NAALADL2: variants seen among roughly 807,000 people sequenced by gnomAD.
The protein encoded by NAALADL2 is N-acetylated alpha-linked acidic dipeptidase like 2, also known as inactive N-acetylated-alpha-linked acidic dipeptidase-like protein 2.
In NAALADL2, 76 loss-of-function variants were observed where a neutral mutation model predicts 87.2. The ratio of observed to expected loss-of-function variants is 0.87; its 90% confidence interval spans 0.72 to 1.05. NAALADL2 has a LOEUF of 1.05. NAALADL2 is among the 50% of genes least tolerant of loss of function. The probability of loss-of-function intolerance (pLI) is 0.00; values close to 1 mark genes in which losing one functional copy is unlikely to be tolerated. For missense variants in NAALADL2, 1,089 were observed against 945.8 expected (o/e 1.15, Z -1.99); for synonymous variants, 354 against 331.0 (o/e 1.07, Z -0.75).
At chr3:174,711,529 C>T (rs1261181614) in intron 2 of NAALADL2, among the ~76,000 whole-genome samples, 1 of 152,134 alleles carries the variant, frequency 6.6e-6, no homozygotes, top group Non-Finnish European at 1.5e-5. Context: ...TTGGCTCTGG[C>T]CTTTTCTAAT....
At chr3:174,503,996 C>T (rs1719056508) in intron 1 of NAALADL2, among the ~76,000 whole-genome samples, 1 of 151,980 alleles carries the variant, frequency 6.6e-6, no homozygotes, top group Admixed American at 6.6e-5. Flanking sequence ...TGGTTAATTT[C>T]ATTTTTGCAT....
intron 9 of NAALADL2, among the ~76,000 whole-genome samples, chr3:175,566,447 T>A (rs1427993926): frequency 1.3e-5 from 2 of 152,212 alleles, no homozygotes; most frequent in African/African-American, 4.8e-5. Flanking sequence ...CATTATTTTT[T>A]AGGTAGAAAT....
At chr3:174,449,963 A>G (rs1012883945) in intron 1 of NAALADL2, among the ~76,000 whole-genome samples, 10 of 152,126 alleles carry the variant, frequency 6.6e-5, no homozygotes, top group African/African-American at 2.2e-4. Flanking sequence ...ATGTCTTACC[A>G]ATTTTTGAAA....
chr3:174,527,455 G>T (rs1316193311), intron 1 of NAALADL2, among the ~76,000 whole-genome samples: 5 of 151,024 alleles, frequency 3.3e-5, no homozygotes, highest in African/African-American at 9.7e-5. Flanking sequence ...GGAGGCAGAG[G>T]TTGCAATGAG....
intron 13 of NAALADL2, chr3:175,775,151 A>G (rs1225309049): frequency 6.9e-6 from 1 of 145,592 alleles, no homozygotes; most frequent in East Asian, 2.0e-4. Flanking sequence ...TGATGTTGTT[A>G]CAGGTATCTG....
chr3:174,905,309 A>G (rs935866732), intron 1 of NAALADL2, among the ~76,000 whole-genome samples: 5 of 152,024 alleles, frequency 3.3e-5, no homozygotes, highest in African/African-American at 1.2e-4. Flanking sequence ...AATCAATCAT[A>G]TATTGCTTAA....
chr3:175,344,808 T>C (rs532155699), intron 5 of NAALADL2, among the ~76,000 whole-genome samples: 1 of 152,272 alleles, frequency 6.6e-6, no homozygotes, highest in African/African-American at 2.4e-5. Flanking sequence ...TGAAAAACAA[T>C]AATTTATTAA....
chr3:174,976,161 A>G lies in NAALADL2; in HGVS notation c.43+116711A>G, dbSNP rs544445464. Among the ~76,000 whole-genome samples, 22 of 152,332 alleles carry G rather than the reference A, an allele frequency of 1.4e-4. No homozygotes were observed. The South Asian group carries it at 1.9e-3, about 13-fold the overall frequency. On this transcript the variant is annotated intron_variant, in intron 1 of 13. Coordinates refer to ENST00000454872, the MANE Select transcript of NAALADL2 (RefSeq NM_207015.3). The stretch of plus-strand genomic sequence containing the variant: ...TACAATTAATATACTATAAAATATG[A>G]AAAGAAGAACTTTTTTTTCTGTTTA...
At chr3:175,428,904 T>C (rs962400024) in intron 5 of NAALADL2, among the ~76,000 whole-genome samples, 2 of 152,234 alleles carry the variant, frequency 1.3e-5, no homozygotes, top group African/African-American at 4.8e-5. Context: ...TCTATTTTTA[T>C]CTGGCTTGTT....
At chr3:175,372,891 G>A (rs1464478268) in intron 5 of NAALADL2, among the ~76,000 whole-genome samples, 2 of 152,170 alleles carry the variant, frequency 1.3e-5, no homozygotes, top group Non-Finnish European at 2.9e-5. Flanking sequence ...CTCTCATTAT[G>A]AGCATCATCA....
intron 7 of NAALADL2, among the ~76,000 whole-genome samples, chr3:175,464,058 A>G (rs548916653): frequency 2.0e-5 from 3 of 151,936 alleles, no homozygotes; most frequent in African/African-American, 7.2e-5. Context: ...CTGGTCTTGC[A>G]CTCCTATCCT....
chr3:174,693,143 C>T (rs7631812), intron 2 of NAALADL2, among the ~76,000 whole-genome samples: 2,749 of 151,956 alleles, frequency 0.018, 45 homozygotes, highest in African/African-American at 0.051. Flanking sequence ...GAGTTAACAT[C>T]CAATCACTAT....
At chr3:175,337,712 AAC>A (rs1762136097) in intron 5 of NAALADL2, among the ~76,000 whole-genome samples, 1 of 151,674 alleles carries the variant, frequency 6.6e-6, no homozygotes. Flanking sequence ...CTAATACAAA[AAC>A]AAACAAACAA....
intron 2 of NAALADL2, among the ~76,000 whole-genome samples, chr3:175,134,809 C>G (rs1560074697): frequency 6.6e-6 from 1 of 152,152 alleles, no homozygotes. Context: ...GAATACCTGT[C>G]TACCTTCTTT....
intron 1 of NAALADL2, among the ~76,000 whole-genome samples, chr3:174,461,291 ATTTGT>A (rs1716200144): frequency 1.3e-5 from 2 of 152,080 alleles, no homozygotes; most frequent in African/African-American, 2.4e-5. Flanking sequence ...TGTATAATTT[ATTTGT>A]TTTATTAGTC....
At chr3:174,456,941 A>G (rs948741181) in intron 1 of NAALADL2, among the ~76,000 whole-genome samples, 1 of 152,190 alleles carries the variant, frequency 6.6e-6, no homozygotes, top group Non-Finnish European at 1.5e-5. Flanking sequence ...AGAATGGGAG[A>G]AAATGTTTGC....
intron 2 of NAALADL2, among the ~76,000 whole-genome samples, chr3:174,585,351 C>A (rs1333892312): frequency 6.6e-6 from 1 of 152,086 alleles, no homozygotes; most frequent in East Asian, 1.9e-4. Context: ...TAGTGAAAGG[C>A]AGGGCTGAAG....
In NAALADL2 at chr3:175,810,388, TTTAAG is replaced by T. The variant is rs1422785567; in HGVS notation, c.*7188_*7192del. ...TAAAAATATAAGTGAATATTTTATA[TTTAAG>T]TTGTTTAAATATTTGCACATTATTG... On this transcript the variant is annotated 3_prime_UTR_variant, in exon 14 of 14. Coordinates refer to ENST00000454872, the MANE Select transcript of NAALADL2 (RefSeq NM_207015.3). The T allele has an allele frequency of 3.3e-5, 5 of 152,158 alleles. No individual in the cohort carries two copies. Among genetic ancestry groups the T allele is most frequent in the South Asian group, 4.1e-4 (2 of 4,834 alleles). 9.4% of individuals were successfully genotyped at this position (152,158 alleles called of 1,614,324 possible). A position where few individuals can be genotyped will look rare whatever the true frequency, so the allele number is the denominator to read the frequency against.
At chr3:175,267,529 A>G (rs748932628) in intron 4 of NAALADL2, among the ~76,000 whole-genome samples, 6 of 152,096 alleles carry the variant, frequency 3.9e-5, no homozygotes, top group Non-Finnish European at 7.4e-5. Context: ...ACTCTGTTAA[A>G]TTTATTTTGT....
Sources: gnomAD v4.1 joint callset for allele counts (sites outside exome capture counted in the v4.1 genomes callset) on GRCh38, gnomAD v4.1.1 for gene constraint, MANE v1.5 for transcripts, NCBI Gene and HGNC (gene_info 2026-07-23, HGNC 2026-07-21) for gene names.